The following ANKRD12 variants were observed in gnomAD, a reference collection of about 807,000 sequenced individuals.
The protein encoded by ANKRD12 is ankyrin repeat domain-containing protein 12.
ANKRD12 carries 85 observed loss-of-function variants against 183.4 expected under a neutral mutation model. The ratio of observed to expected loss-of-function variants is 0.46; its 90% CI spans 0.39 to 0.56. The LOEUF is 0.56. Ranked by LOEUF, ANKRD12 falls within the 20% of genes least tolerant of loss-of-function variation. ANKRD12 has a pLI of 0.00. For missense variants in ANKRD12, 2,405 were observed against 2,357.1 expected (o/e 1.02, Z -0.42); for synonymous variants, 914 against 800.2 (o/e 1.14, Z -2.40).
intron 1 of ANKRD12, among the ~76,000 whole-genome samples, chr18:9,166,117 T>C (rs1365533864): frequency 6.6e-6 from 1 of 152,126 alleles, no homozygotes; most frequent in Non-Finnish European, 1.5e-5. Context: ...ATCCAGTCTA[T>C]CATTGTTGGA....
chr18:9,168,185 T>TTG (rs533164163), intron 1 of ANKRD12, among the ~76,000 whole-genome samples: 242 of 152,312 alleles, frequency 1.6e-3, no homozygotes, highest in African/African-American at 5.6e-3. Flanking sequence ...TTCTCTTTTT[T>TTG]TTGTTGTGTC....
intron 9 of ANKRD12, among the ~76,000 whole-genome samples, chr18:9,262,153 T>A (rs969923836): frequency 1.3e-5 from 2 of 152,198 alleles, no homozygotes; most frequent in Non-Finnish European, 2.9e-5. Flanking sequence ...GATTATAGAG[T>A]CTGTAGAGCC....
chr18:9,269,522 G>A (rs1234436003), intron 10 of ANKRD12, among the ~76,000 whole-genome samples: 4 of 152,192 alleles, frequency 2.6e-5, no homozygotes, highest in South Asian at 2.1e-4. Flanking sequence ...AATGGGGAAA[G>A]GATTCCCTAT....
chr18:9,190,537 T>C (rs2034387566), intron 2 of ANKRD12, among the ~76,000 whole-genome samples: 1 of 152,188 alleles, frequency 6.6e-6, no homozygotes, highest in Non-Finnish European at 1.5e-5. Flanking sequence ...TGTGGGTAAG[T>C]GCTATCAACA....
rs183272438 is a variant in ANKRD12 at position 9,163,099 on chromosome 18, A to G, written c.-51-19283A>G. ...TGTTGCAATTGTTTTTGGCGTTTTC[A>G]TTGTGAAATCTTTGCCTGTGCCTGT... On this transcript the variant is annotated intron_variant, in intron 1 of 12. Coordinates refer to ENST00000262126, the MANE Select transcript of ANKRD12 (RefSeq NM_015208.5). Among the ~76,000 whole-genome samples, 968 of 152,144 alleles carry G rather than the reference A, an allele frequency of 6.4e-3. 7 individuals carry two copies. Among genetic ancestry groups the G allele is most frequent in the Middle Eastern group, 0.017 (5 of 294 alleles).
chr18:9,188,848 TACTG>T (rs1184637627), intron 2 of ANKRD12, among the ~76,000 whole-genome samples: 1 of 152,230 alleles, frequency 6.6e-6, no homozygotes, highest in Admixed American at 6.5e-5. Context: ...CTGCTCCACT[TACTG>T]GCTTCTCTCC....
intron 1 of ANKRD12, among the ~76,000 whole-genome samples, chr18:9,179,661 A>C (rs2033554210): frequency 6.6e-6 from 1 of 151,948 alleles, no homozygotes; most frequent in African/African-American, 2.4e-5. Context: ...GACCACCTGC[A>C]CGGACCACCA....
chr18:9,183,744 A>G (rs62085888), intron 2 of ANKRD12, among the ~76,000 whole-genome samples: 40,683 of 151,688 alleles, frequency 0.27, 6,754 homozygotes, highest in South Asian at 0.49. Flanking sequence ...TTTTTCCCCG[A>G]TTACACTGGC....
chr18:9,211,319 C>T (rs1261439059), intron 5 of ANKRD12, among the ~76,000 whole-genome samples: 1 of 151,996 alleles, frequency 6.6e-6, no homozygotes, highest in Non-Finnish European at 1.5e-5. Context: ...TTTTAGAGTA[C>T]GTATTTGATA....
chr18:9,231,805 A>G (rs1441297170), intron 8 of ANKRD12, among the ~76,000 whole-genome samples: 1 of 144,750 alleles, frequency 6.9e-6, no homozygotes, highest in Non-Finnish European at 1.5e-5. Flanking sequence ...AACCTGGGCA[A>G]CAGAGCAAGA....
At chr18:9,263,754 CCT>C in intron 9 of ANKRD12, 34 bp from the exon 10 acceptor site, 1 of 1,402,814 alleles carries the variant, frequency 7.1e-7, no homozygotes, top group South Asian at 1.5e-5. Context: ...GTAAATAAAA[CCT>C]AATATTTTAA....
intron 1 of ANKRD12, among the ~76,000 whole-genome samples, chr18:9,174,582 C>G (rs73392349): frequency 1.3e-5 from 2 of 152,346 alleles, no homozygotes; most frequent in African/African-American, 4.8e-5. Context: ...CAATCACTCA[C>G]TGCTTCCCTT....
At chr18:9,245,845 G>C (rs2037932407) in intron 8 of ANKRD12, among the ~76,000 whole-genome samples, 1 of 152,102 alleles carries the variant, frequency 6.6e-6, no homozygotes, top group African/African-American at 2.4e-5. Context: ...CTTACGGAAA[G>C]GTCACAAAGT....
chr18:9,172,787 G>T (rs1361769271), intron 1 of ANKRD12, among the ~76,000 whole-genome samples: 4 of 152,178 alleles, frequency 2.6e-5, no homozygotes, highest in Non-Finnish European at 5.9e-5. Context: ...GTAATTTAGA[G>T]AAGAGGCACT....
At chr18:9,201,936 T>C (rs551028269) in intron 3 of ANKRD12, among the ~76,000 whole-genome samples, 89 of 152,092 alleles carry the variant, frequency 5.9e-4, no homozygotes, top group African/African-American at 1.7e-3. Flanking sequence ...CAAGCAGTTC[T>C]CCTGTCTCAG....
chr18:9,162,613 G>C (rs1220065589), intron 1 of ANKRD12, among the ~76,000 whole-genome samples: 2 of 152,096 alleles, frequency 1.3e-5, no homozygotes, highest in African/African-American at 4.8e-5. Context: ...CTAGATCTTT[G>C]AGGAATCGCC....
intron 8 of ANKRD12, among the ~76,000 whole-genome samples, chr18:9,231,613 G>C (rs1054582234): frequency 2.6e-5 from 4 of 151,914 alleles, no homozygotes; most frequent in Non-Finnish European, 4.4e-5. Flanking sequence ...GGATCATGAG[G>C]TCAGGAGATC....
intron 4 of ANKRD12, among the ~76,000 whole-genome samples, chr18:9,207,672 T>G (rs2035563099): frequency 6.6e-6 from 1 of 151,918 alleles, no homozygotes; most frequent in Non-Finnish European, 1.5e-5. Context: ...CTTTTCCCAT[T>G]TTTGCTATTT....
At position 9,256,423 on chromosome 18, in the gene ANKRD12, T is replaced by G; in HGVS notation, c.3156T>G (p.Pro1052=). Residue 1052 remains proline, a synonymous_variant, in exon 9 of 13, where the codon CCT becomes CCG. Coordinates refer to ENST00000262126, the MANE Select transcript of ANKRD12 (RefSeq NM_015208.5). The part of the protein sequence containing the change: ...LLKLKSEADK[P]KPKSSPASKD... ...AACTAAAATCTGAAGCAGATAAGCCTAAACCTAAGTCATCACCAGCATCAA... is the reference window on the plus strand; with the variant it reads ...AACTAAAATCTGAAGCAGATAAGCCGAAACCTAAGTCATCACCAGCATCAA... 6.2e-7 allele frequency: 1 copy of G among 1,613,084 alleles called. No homozygotes were observed. Among genetic ancestry groups the G allele is most frequent in the Non-Finnish European group, 8.5e-7 (1 of 1,179,700 alleles).
Sources: allele counts gnomAD v4.1 joint callset (sites outside exome capture counted in the v4.1 genomes callset), GRCh38; gene constraint gnomAD v4.1.1; transcripts MANE v1.5; gene names NCBI Gene and HGNC (gene_info 2026-07-23, HGNC 2026-07-21).